The following GPR19 variants were observed in gnomAD, a reference collection of about 807,000 sequenced individuals.
The protein encoded by GPR19 is G protein-coupled receptor 19, also known as probable G protein-coupled receptor 19.
In GPR19, 14 loss-of-function variants were observed where a neutral mutation model predicts 28.5. The observed-to-expected ratio is 0.49, with a 90% CI of 0.32 to 0.77. The LOEUF is 0.77. Ranked by LOEUF, GPR19 falls within the 30% of genes least tolerant of loss-of-function variation. GPR19 has a pLI of 0.03. For missense variants in GPR19, 409 were observed against 504.1 expected (o/e 0.81, Z 1.81); for synonymous variants, 173 against 184.1 (o/e 0.94, Z 0.49).
At chr12:12,681,934 C>T (rs921338076) in intron 3 of GPR19, among the ~76,000 whole-genome samples, 11 of 152,182 alleles carry the variant, frequency 7.2e-5, no homozygotes, top group African/African-American at 2.4e-4. Flanking sequence ...GGTAGTCTGA[C>T]CCTAACCCAC....
At chr12:12,700,746 C>G (rs1946318223), upstream of GPR19, among the ~76,000 whole-genome samples, 2 of 152,062 alleles carry the variant, frequency 1.3e-5, no homozygotes. Flanking sequence ...TTATTGAACA[C>G]TTAGATGTGA....
the GPR19 span, among the ~76,000 whole-genome samples, chr12:12,707,384 T>G: frequency 4.6e-5 from 7 of 152,244 alleles, no homozygotes; most frequent in Non-Finnish European, 5.9e-5. Flanking sequence ...CTTCCACACT[T>G]GAGTGTAAGT....
chr12:12,697,171 AAAAAAAG>A (rs1376430409), upstream of GPR19, among the ~76,000 whole-genome samples: 3 of 149,674 alleles, frequency 2.0e-5, no homozygotes, highest in African/African-American at 7.3e-5. Context: ...AAAAAAAAAA[AAAAAAAG>A]CAGCCATGCA....
intron 2 of GPR19, among the ~76,000 whole-genome samples, chr12:12,693,128 C>A (rs1017806063): frequency 2.0e-5 from 3 of 152,208 alleles, no homozygotes; most frequent in African/African-American, 7.2e-5. Context: ...GCTGAAATTG[C>A]TGACCATGCC....
the GPR19 span, among the ~76,000 whole-genome samples, chr12:12,702,669 A>G: frequency 2.0e-5 from 3 of 152,156 alleles, no homozygotes; most frequent in Admixed American, 6.5e-5. Context: ...GAATCACTCA[A>G]AACAAACCAG....
chr12:12,670,044 TA>T (rs1347364530), intron 3 of GPR19, among the ~76,000 whole-genome samples: 1 of 152,170 alleles, frequency 6.6e-6, no homozygotes, highest in African/African-American at 2.4e-5. Context: ...AAAAGACTGA[TA>T]TGAACATTAG....
At chr12:12,713,898 T>C in the GPR19 span, among the ~76,000 whole-genome samples, 124,232 of 152,180 alleles carry the variant, frequency 0.82, 51,363 homozygotes, top group East Asian at 0.94. Flanking sequence ...TTGAAACACT[T>C]CCTTTTCCCT....
At chr12:12,697,953 G>GA (rs959450902), upstream of GPR19, among the ~76,000 whole-genome samples, 14 of 148,940 alleles carry the variant, frequency 9.4e-5, no homozygotes, top group South Asian at 2.1e-4. Context: ...TCATCATGAA[G>GA]AAAAAAAAAA....
chr12:12,710,454 T>C, the GPR19 span, among the ~76,000 whole-genome samples: 38,831 of 152,080 alleles, frequency 0.26, 5,151 homozygotes, highest in African/African-American at 0.32. Flanking sequence ...ATGGCACATT[T>C]GTAAATATGG....
At chr12:12,699,819 T>C (rs537599538), upstream of GPR19, among the ~76,000 whole-genome samples, 2 of 152,318 alleles carry the variant, frequency 1.3e-5, no homozygotes, top group African/African-American at 4.8e-5. Context: ...TCCATTTACA[T>C]CTCTGATAAG....
intron 3 of GPR19, among the ~76,000 whole-genome samples, chr12:12,671,213 G>A (rs998675981): frequency 1.3e-5 from 2 of 151,788 alleles, no homozygotes; most frequent in African/African-American, 2.4e-5. Context: ...GGCTGAGGCA[G>A]GAGAATTGCT....
the GPR19 span, chr12:12,717,107 A>C: frequency 2.0e-6 from 2 of 1,009,124 alleles, no homozygotes; most frequent in Non-Finnish European, 1.2e-6. Flanking sequence ...CCGTTTGGCT[A>C]GTTTGTTTGT....
chr12:12,706,811 C>T, the GPR19 span, among the ~76,000 whole-genome samples: 1 of 152,172 alleles, frequency 6.6e-6, no homozygotes, highest in Non-Finnish European at 1.5e-5. Context: ...ACACTGCTAC[C>T]ACCCTGGTCT....
At position 12,673,613 on chromosome 12, in the gene GPR19, C is replaced by T. The variant is rs80040757; in HGVS notation, c.-23+10738G>A. Among the ~76,000 whole-genome samples the T allele has an allele frequency of 5.1e-3, 777 of 152,214 alleles. 7 individuals are homozygous for T. Among genetic ancestry groups the T allele is most frequent in the African/African-American group, 0.018 (737 of 41,516 alleles). ...GAAGAGGTTATATGGCAGCTGAAACCCCAACGACAGGAAGTCCGCCATAAC... is the reference window on the plus strand; with the variant it reads ...GAAGAGGTTATATGGCAGCTGAAACTCCAACGACAGGAAGTCCGCCATAAC... On this transcript the variant is annotated intron_variant, in intron 3 of 3. Coordinates refer to ENST00000651487, the MANE Select transcript of GPR19 (RefSeq NM_006143.3).
chr12:12,664,770 A>G (rs555217363), intron 3 of GPR19, among the ~76,000 whole-genome samples: 4 of 151,792 alleles, frequency 2.6e-5, no homozygotes, highest in Admixed American at 2.6e-4. Context: ...AATACAAAAG[A>G]TTAGCCGGGC....
At chr12:12,705,159 G>A in the GPR19 span, among the ~76,000 whole-genome samples, 1 of 139,684 alleles carries the variant, frequency 7.2e-6, no homozygotes, top group African/African-American at 2.6e-5. Context: ...TCTAACCCAG[G>A]CTGGAGTGCA....
intron 2 of GPR19, among the ~76,000 whole-genome samples, chr12:12,686,838 A>G (rs1472298726): frequency 6.6e-6 from 1 of 152,260 alleles, no homozygotes; most frequent in East Asian, 1.9e-4. Flanking sequence ...TGAGACAAAA[A>G]AAATGACCAA....
At chr12:12,664,939 A>G (rs985135561) in intron 3 of GPR19, among the ~76,000 whole-genome samples, 4 of 138,918 alleles carry the variant, frequency 2.9e-5, no homozygotes, top group African/African-American at 1.1e-4. Flanking sequence ...AAAAAAAAAA[A>G]AAAAAAAGAA....
At chr12:12,701,686 T>C in the GPR19 span, among the ~76,000 whole-genome samples, 159 of 152,248 alleles carry the variant, frequency 1.0e-3, no homozygotes, top group African/African-American at 3.4e-3. Flanking sequence ...ATTCCAGCAC[T>C]GTGGGAGGCC....
Sources: allele counts gnomAD v4.1 joint callset (sites outside exome capture counted in the v4.1 genomes callset), GRCh38; gene constraint gnomAD v4.1.1; transcripts MANE v1.5; gene names NCBI Gene and HGNC (gene_info 2026-07-23, HGNC 2026-07-21).